The following SLIT3 variants were observed in gnomAD, a reference collection of about 807,000 sequenced individuals.
SLIT3 encodes the protein slit guidance ligand 3, also known as slit homolog 3 protein.
SLIT3 carries 68 observed loss-of-function variants against 184.0 expected under a neutral mutation model. The ratio of observed to expected loss-of-function variants is 0.37; its 90% CI spans 0.30 to 0.45. The LOEUF is 0.45. SLIT3 is among the 20% of genes least tolerant of loss of function. SLIT3 has a pLI of 1.00. For synonymous variants in SLIT3, 831 were observed against 828.6 expected, an observed-to-expected ratio of 1.00 and a Z score of -0.05; for missense variants, 1,707 against 2,026.0, an observed-to-expected ratio of 0.84 and a Z score of 3.02.
chr5:169,263,543 G>C (rs990863249), intron 1 of SLIT3: 1 of 418,744 alleles, frequency 2.4e-6, no homozygotes, highest in South Asian at 1.7e-5. Context: ...TTCAGATTGC[G>C]AGGCTCCAGA....
intron 4 of SLIT3, among the ~76,000 whole-genome samples, chr5:169,021,977 A>G (rs1305355784): frequency 1.3e-5 from 2 of 152,214 alleles, no homozygotes; most frequent in Non-Finnish European, 2.9e-5. Context: ...CATCACAGAA[A>G]GTTCTATTGG....
chr5:168,756,260 T>C (rs1035678124), intron 16 of SLIT3, among the ~76,000 whole-genome samples: 2 of 152,230 alleles, frequency 1.3e-5, no homozygotes, highest in African/African-American at 4.8e-5. Context: ...GTCTGAGCTC[T>C]GGGCTGACCC....
At chr5:168,778,292 T>A (rs1755832488) in intron 12 of SLIT3, among the ~76,000 whole-genome samples, 1 of 152,262 alleles carries the variant, frequency 6.6e-6, no homozygotes, top group African/African-American at 2.4e-5. Flanking sequence ...GGTGACGGAC[T>A]CAACCAAGGT....
intron 3 of SLIT3, among the ~76,000 whole-genome samples, chr5:169,224,949 G>A (rs567347018): frequency 7.5e-4 from 114 of 152,282 alleles, no homozygotes; most frequent in Middle Eastern, 3.4e-3. Context: ...CTCCCGAAGT[G>A]CTGGGATTGC....
chr5:168,896,617 T>A (rs1388154952), intron 4 of SLIT3, among the ~76,000 whole-genome samples: 1 of 152,156 alleles, frequency 6.6e-6, no homozygotes, highest in Admixed American at 6.5e-5. Flanking sequence ...CTCTCTCTCG[T>A]GGAATCTACC....
At chr5:168,841,028 C>T (rs992197874) in intron 6 of SLIT3, among the ~76,000 whole-genome samples, 5 of 152,162 alleles carry the variant, frequency 3.3e-5, no homozygotes, top group Non-Finnish European at 7.4e-5. Context: ...TGAAAGGCTC[C>T]GACATTCTCC....
chr5:168,665,696 T>C lies in SLIT3; in HGVS notation c.*758A>G, dbSNP rs1024246800. On this transcript the variant is annotated 3_prime_UTR_variant, in exon 36 of 36. Transcript: ENST00000519560. Reference sequence around the variant, plus strand: ...GGCCAGCCAGGAAGGAGAAGAGGGGTCCCCCAGTGGGTTCAGATACGGAAG... The same window carrying C: ...GGCCAGCCAGGAAGGAGAAGAGGGGCCCCCCAGTGGGTTCAGATACGGAAG... 2.0e-5 allele frequency: 3 copies of C among 149,286 alleles called. No individual in the cohort carries two copies. The highest frequency in any genetic ancestry group is 7.7e-5 in the African/African-American group (3 of 39,078). The allele number at this position is 149,286 out of a possible 1,614,324, so 9.2% of individuals were successfully genotyped here. A position where few individuals can be genotyped will look rare whatever the true frequency, so the allele number is the denominator to read the frequency against.
intron 5 of SLIT3, among the ~76,000 whole-genome samples, chr5:168,877,552 T>G (rs1759779610): frequency 6.6e-6 from 1 of 152,128 alleles, no homozygotes; most frequent in African/African-American, 2.4e-5. Context: ...CGGGTGCTGG[T>G]GTCCCTCCCC....
intron 1 of SLIT3, among the ~76,000 whole-genome samples, chr5:169,288,411 A>G (rs1767231223): frequency 1.3e-5 from 2 of 151,612 alleles, no homozygotes; most frequent in South Asian, 4.2e-4. Context: ...CTTTCTACAT[A>G]TTTGTACCCA....
intron 1 of SLIT3, among the ~76,000 whole-genome samples, chr5:169,271,492 TGGCCTGGGGCC>T (rs1766609898): frequency 1.3e-5 from 2 of 152,292 alleles, no homozygotes; most frequent in South Asian, 4.1e-4. Context: ...TACTCTGACG[TGGCCTGGGGCC>T]ACGGTGCTGG....
intron 4 of SLIT3, among the ~76,000 whole-genome samples, chr5:169,072,784 C>T (rs937586347): frequency 2.0e-5 from 3 of 152,162 alleles, no homozygotes; most frequent in Admixed American, 6.5e-5. Context: ...CAGCCTTATG[C>T]CAAATCCTGG....
Position 168,711,069 on chromosome 5 carries a change from G to A in SLIT3, c.2556-11C>T. ...TTGGTTCCCAGCGCCCTAGGAGGCAGAACAGGAAGTCAGGGCCCCCTGCCC... is the reference window on the plus strand; with the variant it reads ...TTGGTTCCCAGCGCCCTAGGAGGCAAAACAGGAAGTCAGGGCCCCCTGCCC... On this transcript the variant is annotated splice_polypyrimidine_tract_variant and intron_variant, in intron 24 of 35. Coordinates refer to ENST00000519560, the MANE Select transcript of SLIT3 (RefSeq NM_003062.4). The A allele has an allele frequency of 1.3e-6, 2 of 1,556,632 alleles. No individual in the cohort carries two copies. Among genetic ancestry groups the A allele is most frequent in the Admixed American group, 1.8e-5 (1 of 55,042 alleles).
At chr5:169,211,948 C>A (rs985354473) in intron 3 of SLIT3, among the ~76,000 whole-genome samples, 1 of 152,178 alleles carries the variant, frequency 6.6e-6, no homozygotes, top group Non-Finnish European at 1.5e-5. Flanking sequence ...CATATTCCTG[C>A]AAAAGACATC....
At chr5:169,209,798 G>T (rs1024475014) in intron 3 of SLIT3, among the ~76,000 whole-genome samples, 3 of 152,038 alleles carry the variant, frequency 2.0e-5, no homozygotes, top group African/African-American at 7.2e-5. Flanking sequence ...ATCTGTCGGG[G>T]GTAGGGGGCA....
chr5:168,715,506 C>G (rs1038999050), intron 23 of SLIT3, among the ~76,000 whole-genome samples: 6 of 152,140 alleles, frequency 3.9e-5, no homozygotes, highest in African/African-American at 1.4e-4. Context: ...CTGGGGCTCT[C>G]TCTGGAACGA....
intron 26 of SLIT3, chr5:168,706,767 A>G (rs1018511519): frequency 6.6e-6 from 1 of 152,238 alleles, no homozygotes; most frequent in African/African-American, 2.4e-5. Flanking sequence ...CTCTGACACC[A>G]TCTGCTAGAA....
intron 14 of SLIT3, among the ~76,000 whole-genome samples, chr5:168,769,047 C>T (rs1039236419): frequency 6.6e-6 from 1 of 152,172 alleles, no homozygotes; most frequent in African/African-American, 2.4e-5. Context: ...GATGAAGGGC[C>T]TCTTTGAGAC....
intron 32 of SLIT3, among the ~76,000 whole-genome samples, chr5:168,678,966 C>G (rs1002395456): frequency 6.6e-6 from 1 of 152,188 alleles, no homozygotes. Context: ...AGGTGGAGAG[C>G]TCTGGAGTTG....
chr5:168,966,227 G>A (rs76253747), intron 4 of SLIT3, among the ~76,000 whole-genome samples: 109 of 152,258 alleles, frequency 7.2e-4, no homozygotes, highest in African/African-American at 2.5e-3. Context: ...GTGAGCTCTC[G>A]ATCTTATCTG....
Sources: allele counts gnomAD v4.1 joint callset (sites outside exome capture counted in the v4.1 genomes callset), GRCh38; gene constraint gnomAD v4.1.1; transcripts MANE v1.5; gene names NCBI Gene and HGNC (gene_info 2026-07-23, HGNC 2026-07-21).